Variants in RAD54B observed in about 807,000 individuals in gnomAD.
The protein encoded by RAD54B is DNA repair and recombination protein RAD54B.
In RAD54B, 78 loss-of-function variants were observed where a neutral mutation model predicts 95.8. The observed-to-expected ratio is 0.81, with a 90% CI of 0.68 to 0.98. The LOEUF (loss-of-function observed/expected upper bound fraction) is 0.98, where lower values mean the gene tolerates loss of function less well. Among genes scored for constraint, RAD54B ranks in the 50% least tolerant of loss-of-function variants. RAD54B has a pLI of 0.00. For missense variants in RAD54B, 957 were observed against 1,056.6 expected (o/e 0.91, Z 1.31); for synonymous variants, 328 against 354.9 (o/e 0.92, Z 0.85).
intron 8 of RAD54B, among the ~76,000 whole-genome samples, chr8:94,396,729 T>C (rs1811157106): frequency 6.6e-6 from 1 of 152,140 alleles, no homozygotes; most frequent in African/African-American, 2.4e-5. Context: ...CTGAACTGTA[T>C]CTCCCTAAAA....
intron 1 of RAD54B, among the ~76,000 whole-genome samples, chr8:94,474,724 G>A (rs10106455): frequency 0.04 from 6,047 of 152,206 alleles, 137 homozygotes; most frequent in Non-Finnish European, 0.049. Flanking sequence ...CGCAGTGGCG[G>A]CCCCAGGGGC....
chr8:94,399,360 T>C, intron 8 of RAD54B, 54 bp downstream of exon 8: 1 of 1,385,858 alleles, frequency 7.2e-7, no homozygotes, highest in East Asian at 2.3e-5. Context: ...AGTACAAGTC[T>C]GTATGTTCAC....
chr8:94,395,448 T>C (rs1292196524), intron 8 of RAD54B, among the ~76,000 whole-genome samples: 1 of 152,164 alleles, frequency 6.6e-6, no homozygotes, highest in East Asian at 1.9e-4. Flanking sequence ...GGAGCTGCCA[T>C]TTGCTGCTTA....
intron 3 of RAD54B, among the ~76,000 whole-genome samples, chr8:94,457,252 G>C (rs914840490): frequency 6.6e-6 from 1 of 152,146 alleles, no homozygotes; most frequent in African/African-American, 2.4e-5. Context: ...GGAAAATAGG[G>C]AGGAAAGAAG....
At chr8:94,442,853 C>T (rs1282617113) in intron 3 of RAD54B, among the ~76,000 whole-genome samples, 1 of 152,124 alleles carries the variant, frequency 6.6e-6, no homozygotes, top group African/African-American at 2.4e-5. Context: ...TCCTCTTTCC[C>T]CCCAGAGCTA....
intron 3 of RAD54B, among the ~76,000 whole-genome samples, chr8:94,413,265 G>C (rs576927684): frequency 6.6e-6 from 1 of 152,222 alleles, no homozygotes; most frequent in African/African-American, 2.4e-5. Context: ...AGCAATTTTT[G>C]AAAAGAACAA....
At chr8:94,438,460 A>C (rs2130127783) in intron 3 of RAD54B, among the ~76,000 whole-genome samples, 1 of 152,338 alleles carries the variant, frequency 6.6e-6, no homozygotes, top group African/African-American at 2.4e-5. Context: ...ATGCAAAAAG[A>C]AAATCGACCT....
intron 8 of RAD54B, among the ~76,000 whole-genome samples, chr8:94,396,718 G>C (rs1811156750): frequency 6.6e-6 from 1 of 152,090 alleles, no homozygotes; most frequent in Admixed American, 6.6e-5. Flanking sequence ...TTAATTGTGG[G>C]CTGAACTGTA....
At chr8:94,449,444 T>TA (rs547296498) in intron 3 of RAD54B, among the ~76,000 whole-genome samples, 60 of 151,660 alleles carry the variant, frequency 4.0e-4, no homozygotes, top group Non-Finnish European at 6.0e-4. Context: ...CTGTTTCCAC[T>TA]AAAAAAATAC....
At chr8:94,416,169 T>C (rs537895808) in intron 3 of RAD54B, among the ~76,000 whole-genome samples, 2,281 of 151,614 alleles carry the variant, frequency 0.015, 63 homozygotes, top group African/African-American at 0.053. Flanking sequence ...ATATATACCA[T>C]GGAATACTAT....
intron 3 of RAD54B, chr8:94,427,898 TAAGTA>T: frequency 1.1e-6 from 1 of 938,120 alleles, no homozygotes; most frequent in South Asian, 5.0e-5. Context: ...CATTTTCACA[TAAGTA>T]AAGATAGAAC....
At chr8:94,405,812 A>C (rs1811372785) in intron 5 of RAD54B, among the ~76,000 whole-genome samples, 1 of 152,206 alleles carries the variant, frequency 6.6e-6, no homozygotes, top group Non-Finnish European at 1.5e-5. Flanking sequence ...CAAGAAAGAG[A>C]AACCTAAACA....
intron 5 of RAD54B, among the ~76,000 whole-genome samples, chr8:94,406,433 G>A (rs1811390118): frequency 6.6e-6 from 1 of 152,178 alleles, no homozygotes; most frequent in Non-Finnish European, 1.5e-5. Context: ...TGGACAAAAA[G>A]AGAAAATTCA....
At chr8:94,433,989 A>G (rs996355302) in intron 3 of RAD54B, among the ~76,000 whole-genome samples, 3 of 151,780 alleles carry the variant, frequency 2.0e-5, no homozygotes, top group African/African-American at 7.2e-5. Context: ...TGAAACATAT[A>G]TAGTATATAA....
intron 3 of RAD54B, among the ~76,000 whole-genome samples, chr8:94,423,460 TC>T (rs1811870979): frequency 1.3e-5 from 2 of 152,232 alleles, no homozygotes; most frequent in Non-Finnish European, 1.5e-5. Context: ...TTCAGTCACT[TC>T]TTTATGTACC....
intron 3 of RAD54B, among the ~76,000 whole-genome samples, chr8:94,440,696 C>T (rs1258341257): frequency 2.0e-5 from 3 of 152,076 alleles, no homozygotes; most frequent in Admixed American, 2.0e-4. Context: ...GGAGTTTCTC[C>T]CCACACACCA....
chr8:94,450,013 G>C (rs1040985220), intron 3 of RAD54B, among the ~76,000 whole-genome samples: 1 of 151,960 alleles, frequency 6.6e-6, no homozygotes, highest in Admixed American at 6.6e-5. Context: ...GTGTGGATCA[G>C]AAACAATGCT....
intron 1 of RAD54B, among the ~76,000 whole-genome samples, chr8:94,469,103 T>G: frequency 1.3e-5 from 2 of 150,256 alleles, no homozygotes; most frequent in East Asian, 3.9e-4. Flanking sequence ...ATCTCTTGTT[T>G]TTTTTTTTTT....
At position 94,445,462 on chromosome 8, in the gene RAD54B, G is replaced by C. The variant is rs557237295; in HGVS notation, c.304+12806C>G. 6.6e-5 allele frequency among the ~76,000 whole-genome samples: 10 copies of C among 152,310 alleles called. No homozygotes were observed. The East Asian group carries it at 1.7e-3, about 26-fold the overall frequency. On this transcript the variant is annotated intron_variant, in intron 3 of 14. Coordinates refer to ENST00000336148, the MANE Select transcript of RAD54B (RefSeq NM_012415.3). ...CCTCATTCTCCCTTTAAAAGGCCCA[G>C]TCATGACTGCACAAATCATGGAGCT...
Sources: gnomAD v4.1 joint callset for allele counts (sites outside exome capture counted in the v4.1 genomes callset) on GRCh38, gnomAD v4.1.1 for gene constraint, MANE v1.5 for transcripts, NCBI Gene and HGNC (gene_info 2026-07-23, HGNC 2026-07-21) for gene names.